ASB7: variants seen among roughly 807,000 people sequenced by gnomAD.
ASB7 encodes ankyrin repeat and SOCS box protein 7.
A neutral mutation model predicts 32.5 loss-of-function variants in ASB7; 4 were observed. That is an observed-to-expected ratio of 0.12 (90% CI 0.06 to 0.28). The LOEUF (loss-of-function observed/expected upper bound fraction) is 0.28. Among genes scored for constraint, ASB7 ranks in the 10% least tolerant of loss-of-function variants. ASB7 has a pLI of 1.00. For synonymous variants in ASB7, 172 were observed against 155.6 expected (o/e 1.11, Z -0.78); for missense variants, 181 against 407.1 (o/e 0.44, Z 4.78).
At position 100,602,698 on chromosome 15, in the gene ASB7, C is replaced by T. The variant is rs2039558079; in HGVS notation, c.-621C>T. Reference sequence around the variant, plus strand: ...GGCTGGCACTTCGGGCCCCGTATGACCTGGGACCTCGCCGTCCCGAGACCT... The same window carrying T: ...GGCTGGCACTTCGGGCCCCGTATGATCTGGGACCTCGCCGTCCCGAGACCT... On this transcript the variant is annotated 5_prime_UTR_variant, in exon 1 of 6. Coordinates refer to ENST00000332783, the MANE Select transcript of ASB7 (RefSeq NM_198243.3). 3.0e-6 allele frequency: 1 copy of T among 337,388 alleles called. No individual in the cohort carries two copies. Among genetic ancestry groups the T allele is most frequent in the Middle Eastern group, 7.8e-4 (1 of 1,288 alleles). 20.9% of individuals were successfully genotyped at this position (337,388 alleles called of 1,614,324 possible).
chr15:100,632,724 T>C (rs1360566600), intron 5 of ASB7, among the ~76,000 whole-genome samples: 1 of 152,126 alleles, frequency 6.6e-6, no homozygotes, highest in Non-Finnish European at 1.5e-5. Context: ...GACATTTTAC[T>C]CTTCATCACA....
intron 5 of ASB7, 157 bp downstream of exon 5, chr15:100,630,199 CTT>C (rs555676057): frequency 7.5e-6 from 10 of 1,341,766 alleles, no homozygotes; most frequent in South Asian, 3.7e-5. Context: ...AAAAAAAAAA[CTT>C]TGACTGTATC....
chr15:100,636,407 C>T (rs997006131), intron 5 of ASB7, among the ~76,000 whole-genome samples: 6 of 152,152 alleles, frequency 3.9e-5, no homozygotes, highest in East Asian at 1.9e-4. Context: ...CATATCTGTC[C>T]GTTGTCCTTT....
rs2039572551 is a variant in ASB7, at chr15:100,603,060, C to T, written c.-273+14C>T. ...CTGAGGAGACAGGTAAAGTCCTTTA[C>T]TTCCCCCGAGGGGAAGAGTGCTGGC... On this transcript the variant is annotated intron_variant, in intron 1 of 5. Coordinates refer to ENST00000332783, the MANE Select transcript of ASB7 (RefSeq NM_198243.3). 4 of 399,148 alleles carry T rather than the reference C, an allele frequency of 1.0e-5. No individual in the cohort carries two copies. In the Admixed American group the frequency reaches 1.3e-4, roughly 13 times the overall value. 24.7% of individuals were successfully genotyped at this position (399,148 alleles called of 1,614,324 possible). A position where few individuals can be genotyped will look rare whatever the true frequency, so the allele number is the denominator to read the frequency against.
intron 2 of ASB7, among the ~76,000 whole-genome samples, chr15:100,607,981 C>T (rs1001271756): frequency 3.3e-5 from 5 of 152,140 alleles, no homozygotes; most frequent in Non-Finnish European, 5.9e-5. Context: ...ATGGAAGTGG[C>T]GGTGGATAGT....
At chr15:100,627,951 G>T (rs577051880) in intron 4 of ASB7, among the ~76,000 whole-genome samples, 2 of 152,184 alleles carry the variant, frequency 1.3e-5, no homozygotes, top group Non-Finnish European at 2.9e-5. Context: ...GTATCTGCCC[G>T]GTGGAAACAT....
intron 5 of ASB7, among the ~76,000 whole-genome samples, chr15:100,631,349 C>G (rs921460977): frequency 6.6e-6 from 1 of 152,156 alleles, no homozygotes; most frequent in African/African-American, 2.4e-5. Flanking sequence ...GCCACAAGTG[C>G]CTGGTGGTTC....
At chr15:100,605,348 G>A (rs1044726320) in intron 2 of ASB7, among the ~76,000 whole-genome samples, 17 of 152,126 alleles carry the variant, frequency 1.1e-4, no homozygotes, top group African/African-American at 4.1e-4. Context: ...CAATCATGTG[G>A]CTTAAAAAAA....
At chr15:100,644,023 G>A (rs759562441) in intron 5 of ASB7, among the ~76,000 whole-genome samples, 4 of 152,058 alleles carry the variant, frequency 2.6e-5, no homozygotes, top group African/African-American at 4.8e-5. Flanking sequence ...TGAGGCAGCT[G>A]GATCACCTGA....
chr15:100,603,058 TACTTCCCCC>T lies in ASB7; in HGVS notation c.-273+13_-273+21del. The T allele has an allele frequency of 2.5e-6, 1 of 399,244 alleles. No individual in the cohort carries two copies. The highest frequency in any genetic ancestry group is 3.6e-5 in the East Asian group (1 of 28,074). The allele number at this position is 399,244 out of a possible 1,614,324, so 24.7% of individuals were successfully genotyped here. On this transcript the variant is annotated intron_variant, in intron 1 of 5. Transcript: ENST00000332783. ...AGCTGAGGAGACAGGTAAAGTCCTT[TACTTCCCCC>T]GAGGGGAAGAGTGCTGGCTGGGAGG...
chr15:100,610,291 G>A (rs982016203), intron 3 of ASB7, among the ~76,000 whole-genome samples: 5 of 151,862 alleles, frequency 3.3e-5, no homozygotes, highest in African/African-American at 1.2e-4. Context: ...TCAGGAGATC[G>A]AGACCATCCT....
intron 2 of ASB7, among the ~76,000 whole-genome samples, chr15:100,603,520 A>G (rs1340840854): frequency 1.4e-5 from 2 of 143,932 alleles, no homozygotes; most frequent in East Asian, 2.0e-4. Flanking sequence ...GTATTTTCCC[A>G]CTTTCTTTCT....
chr15:100,623,789 T>G (rs1474388478), intron 4 of ASB7, among the ~76,000 whole-genome samples: 1 of 152,096 alleles, frequency 6.6e-6, no homozygotes, highest in East Asian at 1.9e-4. Flanking sequence ...AACTGGACAT[T>G]TCTCAAATAA....
chr15:100,635,653 G>A lies in ASB7; in HGVS notation c.817+5611G>A, dbSNP rs912905034. On this transcript the variant is annotated intron_variant, in intron 5 of 5. Coordinates refer to ENST00000332783, the MANE Select transcript of ASB7 (RefSeq NM_198243.3). ...TCTCGGCTTTCATCCTCTGTTACAC[G>A]GTGAAGCCCCATTGGTGCAGTTGTA... is the stretch of plus-strand genomic sequence containing the variant. Among the ~76,000 whole-genome samples, 5 of 152,180 alleles carry A rather than the reference G, an allele frequency of 3.3e-5. No homozygotes were observed. In the South Asian group the frequency reaches 6.2e-4, roughly 19 times the overall value.
At chr15:100,638,087 T>G (rs1407867360) in intron 5 of ASB7, among the ~76,000 whole-genome samples, 2 of 152,144 alleles carry the variant, frequency 1.3e-5, no homozygotes, top group African/African-American at 4.8e-5. Flanking sequence ...GACATAAAGA[T>G]TCTTTGAGCT....
At chr15:100,603,961 G>T (rs1207321482) in intron 2 of ASB7, among the ~76,000 whole-genome samples, 2 of 152,192 alleles carry the variant, frequency 1.3e-5, no homozygotes. Flanking sequence ...TGGGCTTTCT[G>T]TGTGTTTGTG....
chr15:100,613,782 T>C lies in ASB7; in HGVS notation c.211+1355T>C, dbSNP rs530431377. ...AAAAAAGTTACTAAAAGTTCTGTTA[T>C]TCAAGTAATACATGAATATTGTCTC... On this transcript the variant is annotated intron_variant, in intron 4 of 5. Transcript: ENST00000332783. Among the ~76,000 whole-genome samples the C allele has an allele frequency of 4.7e-3, 716 of 152,348 alleles. 3 individuals are homozygous for C. Among genetic ancestry groups the C allele is most frequent in the African/African-American group, 0.016 (674 of 41,576 alleles).
At chr15:100,619,472 A>C (rs943779981) in intron 4 of ASB7, among the ~76,000 whole-genome samples, 1 of 152,234 alleles carries the variant, frequency 6.6e-6, no homozygotes, top group Non-Finnish European at 1.5e-5. Flanking sequence ...ATGAGGTGAG[A>C]GTGAAGTAAA....
In ASB7 at chr15:100,602,924, G is replaced by A. The variant is rs1416962664; in HGVS notation, c.-395G>A. The stretch of plus-strand genomic sequence containing the variant: ...CGGATGTTCGCCGGGCTGGGGCCGT[G>A]AGGCACCGAGGAGGATCAGGAACAC... On this transcript the variant is annotated 5_prime_UTR_variant, in exon 1 of 6. The change abolishes the stop of an existing upstream ORF in the 5' untranslated region. Coordinates refer to ENST00000332783, the MANE Select transcript of ASB7 (RefSeq NM_198243.3). 3 of 398,800 alleles carry A rather than the reference G, an allele frequency of 7.5e-6. No homozygotes were observed. Among genetic ancestry groups the A allele is most frequent in the African/African-American group, 6.2e-5 (3 of 48,638 alleles). 24.7% of individuals were successfully genotyped at this position (398,800 alleles called of 1,614,324 possible).
Sources: allele counts gnomAD v4.1 joint callset (sites outside exome capture counted in the v4.1 genomes callset), GRCh38; gene constraint gnomAD v4.1.1; transcripts MANE v1.5; gene names NCBI Gene and HGNC (gene_info 2026-07-23, HGNC 2026-07-21).